The following ACTR3 variants were observed in gnomAD, a reference collection of about 807,000 sequenced individuals.
ACTR3 encodes actin related protein 3, also known as actin-related protein 3.
In ACTR3, 12 loss-of-function variants were observed where a neutral mutation model predicts 56.8. The ratio of observed to expected loss-of-function variants is 0.21; its 90% CI spans 0.14 to 0.34. The LOEUF (loss-of-function observed/expected upper bound fraction) is 0.34. ACTR3 is among the 10% of genes least tolerant of loss of function. The pLI is 1.00. For synonymous variants in ACTR3, 162 were observed against 167.4 expected, an observed-to-expected ratio of 0.97 and a Z score of 0.25; for missense variants, 282 against 512.5, an observed-to-expected ratio of 0.55 and a Z score of 4.34.
intron 8 of ACTR3, among the ~76,000 whole-genome samples, chr2:113,943,347 A>G (rs201315768): frequency 4.6e-5 from 7 of 152,200 alleles, no homozygotes; most frequent in African/African-American, 1.7e-4. Context: ...AAAAGTATAG[A>G]GGACAGATTG....
chr2:113,911,824 C>T (rs1350425306), intron 1 of ACTR3, among the ~76,000 whole-genome samples: 1 of 151,184 alleles, frequency 6.6e-6, no homozygotes, highest in Non-Finnish European at 1.5e-5. Flanking sequence ...GCAACCTCCG[C>T]CTCCTAAGTT....
intron 1 of ACTR3, among the ~76,000 whole-genome samples, chr2:113,900,658 A>G (rs1679083359): frequency 6.6e-6 from 1 of 152,188 alleles, no homozygotes; most frequent in African/African-American, 2.4e-5. Flanking sequence ...TTTATTCCCG[A>G]TGCATTAGGG....
chr2:113,891,422 G>A (rs563034159), intron 1 of ACTR3, among the ~76,000 whole-genome samples: 161 of 152,168 alleles, frequency 1.1e-3, no homozygotes, highest in Non-Finnish European at 2.0e-3. Flanking sequence ...ATTAATAGAC[G>A]TTTTAGAGAG....
chr2:113,912,147 G>A (rs6542183), intron 1 of ACTR3, among the ~76,000 whole-genome samples: 129,595 of 152,070 alleles, frequency 0.85, 55,482 homozygotes, highest in African/African-American at 0.9. Flanking sequence ...AAGTGCTAGT[G>A]TTACAGGTGT....
At chr2:113,957,330 C>T (rs772549595) in intron 11 of ACTR3, 30 bp from the exon 12 acceptor site, 25 of 1,534,186 alleles carry the variant, frequency 1.6e-5, no homozygotes, top group Non-Finnish European at 2.3e-5. Flanking sequence ...ATTTTTGACC[C>T]TTATAAAAAT....
chr2:113,936,033 C>G (rs558102340), intron 6 of ACTR3, among the ~76,000 whole-genome samples: 55 of 152,224 alleles, frequency 3.6e-4, no homozygotes, highest in African/African-American at 1.3e-3. Context: ...TGGCTCATGC[C>G]TGTAATCCCA....
At chr2:113,890,087 G>GCCT, upstream of ACTR3, 5 of 646,910 alleles carry the variant, frequency 7.7e-6, no homozygotes, top group African/African-American at 1.8e-5. Flanking sequence ...CTGCCTGCCT[G>GCCT]GGTTGCGGAA....
chr2:113,930,302 A>G (rs1308033976), intron 4 of ACTR3, among the ~76,000 whole-genome samples: 3 of 152,148 alleles, frequency 2.0e-5, no homozygotes, highest in Admixed American at 6.5e-5. Context: ...AGTTTAGCTT[A>G]TAAAGGTTTT....
intron 10 of ACTR3, chr2:113,953,012 A>G (rs1369126268): frequency 6.6e-6 from 1 of 152,314 alleles, no homozygotes; most frequent in African/African-American, 2.4e-5. Context: ...GAATGAACAT[A>G]GTGCATGTTC....
At chr2:113,920,401 A>G (rs1679485841) in intron 3 of ACTR3, among the ~76,000 whole-genome samples, 1 of 152,220 alleles carries the variant, frequency 6.6e-6, no homozygotes, top group Non-Finnish European at 1.5e-5. Context: ...GTACATATTT[A>G]TGGAGTATGT....
intron 1 of ACTR3, among the ~76,000 whole-genome samples, chr2:113,893,972 A>G (rs562999833): frequency 6.6e-6 from 1 of 152,340 alleles, no homozygotes; most frequent in Admixed American, 6.5e-5. Flanking sequence ...ATTAGTGCAG[A>G]TAAGAATGAT....
intron 5 of ACTR3, 33 bp from the exon 6 acceptor site, chr2:113,934,245 GT>G (rs761132089): frequency 3.0e-6 from 2 of 661,462 alleles, no homozygotes; most frequent in African/African-American, 3.6e-5. Flanking sequence ...TTTTTTTTTT[GT>G]TTTTTTGCCT....
At position 113,927,401 on chromosome 2, in the gene ACTR3, G is replaced by A. The variant is rs1170244616; in HGVS notation, c.282G>A (p.Glu94=). Residue 94 remains glutamate (E), a synonymous_variant, in exon 4 of 12, where the codon GAG becomes GAA. Coordinates refer to ENST00000263238, the MANE Select transcript of ACTR3 (RefSeq NM_005721.5). ...EDWDLMERFM[E]QVIFKYLRAE... is the part of the protein sequence containing the mutation. The stretch of plus-strand genomic sequence containing the variant: ...GGGACTTAATGGAAAGGTTTATGGA[G>A]CAAGTGATCTTTAAATATTTAAGGG... 1.9e-6 allele frequency: 3 copies of A among 1,595,026 alleles called. No homozygotes were observed. The highest frequency in any genetic ancestry group is 1.7e-5 in the Admixed American group (1 of 58,682).
intron 8 of ACTR3, among the ~76,000 whole-genome samples, chr2:113,947,597 C>T (rs13388269): frequency 5.5e-4 from 83 of 152,258 alleles, no homozygotes; most frequent in African/African-American, 1.8e-3. Context: ...CAGGCTGCAA[C>T]GAGCTGGCAT....
chr2:113,955,035 C>T (rs1039649684), intron 10 of ACTR3: 2 of 152,040 alleles, frequency 1.3e-5, no homozygotes, highest in African/African-American at 2.4e-5. Context: ...AAACCTGGCT[C>T]CTATTATCTA....
intron 1 of ACTR3, among the ~76,000 whole-genome samples, chr2:113,897,537 T>A (rs1049636795): frequency 2.2e-4 from 33 of 146,994 alleles, no homozygotes; most frequent in Non-Finnish European, 4.4e-4. Context: ...TTTTTTTTTT[T>A]TTTTTTTGAG....
chr2:113,899,909 A>G (rs1017446221), intron 1 of ACTR3, among the ~76,000 whole-genome samples: 2 of 152,214 alleles, frequency 1.3e-5, no homozygotes, highest in Non-Finnish European at 2.9e-5. Flanking sequence ...TGGGACAGCA[A>G]GTAGTTTATT....
chr2:113,896,108 C>T (rs1418805871), intron 1 of ACTR3, among the ~76,000 whole-genome samples: 1 of 152,192 alleles, frequency 6.6e-6, no homozygotes, highest in Non-Finnish European at 1.5e-5. Context: ...AATCCTCTTG[C>T]CCTGACCTCT....
In ACTR3 at chr2:113,959,702, T is replaced by A. The variant is rs1467387397; in HGVS notation, c.*2247T>A. ...TCCTCTGTGATTGTATACCGTTTTTTCAACTTAAAGCAACTTCAGCTGGAA... is the reference window on the plus strand; with the variant it reads ...TCCTCTGTGATTGTATACCGTTTTTACAACTTAAAGCAACTTCAGCTGGAA... On this transcript the variant is annotated 3_prime_UTR_variant, in exon 12 of 12. Coordinates refer to ENST00000263238, the MANE Select transcript of ACTR3 (RefSeq NM_005721.5). The A allele has an allele frequency of 2.0e-5, 3 of 152,050 alleles. No individual in the cohort carries two copies. Among genetic ancestry groups the A allele is most frequent in the African/African-American group, 7.2e-5 (3 of 41,450 alleles). The allele number at this position is 152,050 out of a possible 1,614,324, so 9.4% of individuals were successfully genotyped here. A position where few individuals can be genotyped will look rare whatever the true frequency, so the allele number is the denominator to read the frequency against.
Sources: allele counts gnomAD v4.1 joint callset (sites outside exome capture counted in the v4.1 genomes callset), GRCh38; gene constraint gnomAD v4.1.1; transcripts MANE v1.5; gene names NCBI Gene and HGNC (gene_info 2026-07-23, HGNC 2026-07-21).